Variants in TBC1D17 observed in about 807,000 individuals in gnomAD.
TBC1D17 encodes the protein TBC1 domain family, member 17.
Under a neutral mutation model 78.8 loss-of-function variants are expected in TBC1D17, and 69 were observed. That is an observed-to-expected ratio of 0.88 (90% confidence interval 0.72 to 1.07). The LOEUF (loss-of-function observed/expected upper bound fraction) is 1.07, where lower values mean the gene tolerates loss of function less well. Among genes scored for constraint, TBC1D17 ranks in the 50% least tolerant of loss-of-function variants. TBC1D17 has a pLI of 0.00. For synonymous variants in TBC1D17, 456 were observed against 358.3 expected (o/e 1.27, Z -3.08); for missense variants, 957 against 861.0 (o/e 1.11, Z -1.39).
Position 49,881,446 on chromosome 19 carries a change from C to T in TBC1D17, c.498C>T (p.Arg166=), listed in dbSNP as rs373735281. 9.9e-6 allele frequency: 16 copies of T among 1,610,576 alleles called. No individual in the cohort carries two copies. In the East Asian group the frequency reaches 1.1e-4, roughly 11 times the overall value. Residue 166 remains arginine, a synonymous_variant, in exon 5 of 17, where the codon CGC becomes CGT. Transcript: ENST00000221543. ...FHRGGTRALL[R]VLSRYLLLAS... ...GCGGGGGCACCCGCGCCCTGCTCCG[C>T]GTCCTCAGCCGCTACCTGCTGTTGG...
chr19:49,878,298 G>C (rs943318246), intron 2 of TBC1D17, 57 bp downstream of exon 2: 1 of 1,486,822 alleles, frequency 6.7e-7, no homozygotes, highest in Non-Finnish European at 9.2e-7. Flanking sequence ...AGGCGGTCTG[G>C]GATGCAGGCG....
In TBC1D17 at chr19:49,882,777, C is replaced by T. The variant is rs2075026774; in HGVS notation, c.812C>T (p.Pro271Leu). 6.3e-7 allele frequency: 1 copy of T among 1,579,328 alleles called. No individual in the cohort carries two copies. The highest frequency in any genetic ancestry group is 1.9e-5 in the Admixed American group (1 of 53,562). ...CTTTGCCTGCAGGTGGAGCTGGGGC[C>T]TCGGCCAACCGTGGAGCGGGGCCCT... ...FEVISCVELGPRPTVERGPPV... is the reference protein window; with the variant it reads ...FEVISCVELGLRPTVERGPPV... Residue 271 changes from proline (P) to leucine (L), a missense_variant, in exon 8 of 17, where the codon CCT becomes CTT. Physicochemically the swap from Pro to Leu is moderately conservative, Grantham distance 98. Transcript: ENST00000221543.
At position 49,882,378 on chromosome 19, in the gene TBC1D17, C is replaced by T; in HGVS notation, c.776C>T (p.Pro259Leu). Residue 259 changes from proline to leucine, a missense_variant, in exon 7 of 17, where the codon CCT (proline) becomes CTT (leucine). Physicochemically the swap from Pro to Leu is moderately conservative, Grantham distance 98. Coordinates refer to ENST00000221543, the MANE Select transcript of TBC1D17 (RefSeq NM_024682.3). ...LPPPPDDEPE[P>L]GFEVISCVEL... ...CCGCCACCCGACGATGAGCCCGAGC[C>T]TGGATTCGAGGTCATTTCCTGTGTG... 6.2e-7 allele frequency: 1 copy of T among 1,607,704 alleles called. No homozygotes were observed. The highest frequency in any genetic ancestry group is 2.2e-5 in the East Asian group (1 of 44,882).
intron 13 of TBC1D17, 103 bp from the exon 14 acceptor site, chr19:49,887,373 G>T: frequency 8.0e-7 from 1 of 1,242,794 alleles, no homozygotes. Flanking sequence ...CCAGGCATAA[G>T]TCACTTGCCT....
Position 49,887,810 on chromosome 19 carries a change from C to T in TBC1D17, c.1635C>T (p.Gly545=), listed in dbSNP as rs928044739. Residue 545 remains glycine, a synonymous_variant, in exon 15 of 17, where the codon GGC becomes GGT. Coordinates refer to ENST00000221543, the MANE Select transcript of TBC1D17 (RefSeq NM_024682.3). ...AGAGGGACACCCTCATGCTGTCCGGCTTCGGCTCCAATGAGATCCTCAAGG... is the reference window on the plus strand; with the variant it reads ...AGAGGGACACCCTCATGCTGTCCGGTTTCGGCTCCAATGAGATCCTCAAGG... ...DMERDTLMLS[G]FGSNEILKHI... The T allele has an allele frequency of 1.2e-6, 2 of 1,610,854 alleles. No individual in the cohort carries two copies. The highest frequency in any genetic ancestry group is 2.7e-5 in the African/African-American group (2 of 74,926).
chr19:49,877,835 A>C, intron 1 of TBC1D17, 91 bp downstream of exon 1: 1 of 1,446,318 alleles, frequency 6.9e-7, no homozygotes, highest in Non-Finnish European at 9.4e-7. Context: ...GCTCTCGAGA[A>C]TCCGGCACGG....
At chr19:49,878,729 T>G (rs551165027) in intron 3 of TBC1D17, 157 bp downstream of exon 3, 1 of 660,268 alleles carries the variant, frequency 1.5e-6, no homozygotes, top group East Asian at 2.8e-5. Flanking sequence ...TTTGCTCCTC[T>G]CTGTGAAATG....
At chr19:49,877,812 C>T (rs1248721623) in intron 1 of TBC1D17, 68 bp downstream of exon 1, 3 of 1,521,922 alleles carry the variant, frequency 2.0e-6, no homozygotes, top group Non-Finnish European at 2.7e-6. Context: ...ATCAGCTCTT[C>T]TCTCAGGCCT....
At position 49,888,229 on chromosome 19, in the gene TBC1D17, A is replaced by G. The variant is rs1310045033; in HGVS notation, c.1660-2A>G. 6.3e-7 allele frequency: 1 copy of G among 1,578,798 alleles called. No individual in the cohort carries two copies. The highest frequency in any genetic ancestry group is 1.8e-5 in the Admixed American group (1 of 55,418). ...TGGCGCCTGACCCACCCCCTCCCGC[A>G]GCACATCAACGAGCTGACTATGAAG... is the stretch of plus-strand genomic sequence containing the variant. On this transcript the variant is annotated splice_acceptor_variant, in intron 15 of 16. Transcript: ENST00000221543. LOFTEE classifies it high-confidence loss of function.
chr19:49,888,486 C>A lies in TBC1D17; in HGVS notation c.1809C>A (p.Pro603=). Residue 603 remains proline, a synonymous_variant, in exon 17 of 17, where the codon CCC becomes CCA. Transcript: ENST00000221543. ...GLAPPAEPHS[P]SPTASPLPLS... Reference sequence around the variant, plus strand: ...CCCCGCCCGCAGAGCCCCACAGCCCCTCGCCCACCGCCTCCCCGCTGCCTC... The same window carrying A: ...CCCCGCCCGCAGAGCCCCACAGCCCATCGCCCACCGCCTCCCCGCTGCCTC... The A allele has an allele frequency of 6.3e-7, 1 of 1,585,846 alleles. No individual in the cohort carries two copies. The highest frequency in any genetic ancestry group is 8.5e-7 in the Non-Finnish European group (1 of 1,171,108).
chr19:49,888,351 G>A (rs1411775170), intron 16 of TBC1D17, 34 bp downstream of exon 16: 14 of 312,094 alleles, frequency 4.5e-5, no homozygotes, highest in African/African-American at 3.3e-4. Context: ...CGCCCCGCCC[G>A]AACCCCGACC....
At position 49,887,829 on chromosome 19, in the gene TBC1D17, C is replaced by T. The variant is rs746925907; in HGVS notation, c.1654C>T (p.Leu552Phe). ...MLSGFGSNEILKHINELTMKL... is the reference protein window; with the variant it reads ...MLSGFGSNEIFKHINELTMKL... ...GTCCGGCTTCGGCTCCAATGAGATC[C>T]TCAAGGTGAGGCTCCGGCCCCGCCC... Residue 552 changes from leucine (L) to phenylalanine (F), a missense_variant, in exon 15 of 17, where the codon CTC (leucine) becomes TTC (phenylalanine). Leu to Phe is a conservative substitution (Grantham distance 22, BLOSUM62 0). Coordinates refer to ENST00000221543, the MANE Select transcript of TBC1D17 (RefSeq NM_024682.3). The T allele has an allele frequency of 6.2e-7, 1 of 1,608,788 alleles. No individual in the cohort carries two copies. Among genetic ancestry groups the T allele is most frequent in the Non-Finnish European group, 8.5e-7 (1 of 1,178,266 alleles).
chr19:49,884,391 G>C (rs767896700), intron 11 of TBC1D17, 22 bp downstream of exon 11: 1 of 1,612,718 alleles, frequency 6.2e-7, no homozygotes, highest in South Asian at 1.1e-5. Context: ...GCCTGGGGAC[G>C]GGCGTGGCCG....
Position 49,882,275 on chromosome 19 carries a change from A to G in TBC1D17, c.673A>G (p.Ser225Gly). 1 of 1,612,338 alleles carries G rather than the reference A, an allele frequency of 6.2e-7. No individual in the cohort carries two copies. Among genetic ancestry groups the G allele is most frequent in the Non-Finnish European group, 8.5e-7 (1 of 1,179,982 alleles). The change falls in exon 7 of 17, where the codon AGC becomes GGC. Residue 225 changes from serine to glycine, a missense_variant. Transcript: ENST00000221543. The part of the protein sequence containing the change: ...FLQDPYSTTF[S>G]SFSRVTNFFR... Reference sequence around the variant, plus strand: ...CCAGGATCCCTACTCCACCACCTTCAGCAGCTTCTCCCGAGTGACCAACTT... The same window carrying G: ...CCAGGATCCCTACTCCACCACCTTCGGCAGCTTCTCCCGAGTGACCAACTT...
intron 3 of TBC1D17, chr19:49,878,826 C>T: frequency 6.1e-6 from 3 of 487,966 alleles, no homozygotes; most frequent in Non-Finnish European, 7.4e-6. Flanking sequence ...CCCTTTGCTT[C>T]TTGGGAGATC....
At chr19:49,881,971 C>T (rs1278062283) in intron 5 of TBC1D17, 70 bp from the exon 6 acceptor site, 22 of 1,369,396 alleles carry the variant, frequency 1.6e-5, no homozygotes, top group Non-Finnish European at 2.0e-5. Context: ...CGATGTCGGC[C>T]GAGCACAGAC....
intron 10 of TBC1D17, 101 bp from the exon 11 acceptor site, chr19:49,884,152 G>T: frequency 9.4e-7 from 1 of 1,068,546 alleles, no homozygotes; most frequent in Admixed American, 1.8e-5. Flanking sequence ...CCGAGGCTGG[G>T]GGCTGCCAGC....
At chr19:49,888,349 C>T (rs1441267818) in intron 16 of TBC1D17, 32 bp downstream of exon 16, 2 of 1,526,484 alleles carry the variant, frequency 1.3e-6, no homozygotes, top group Non-Finnish European at 8.9e-7. Flanking sequence ...AGCGCCCCGC[C>T]CGAACCCCGA....
At chr19:49,879,002 C>T in intron 3 of TBC1D17, 1 of 177,426 alleles carries the variant, frequency 5.6e-6, no homozygotes, top group Non-Finnish European at 1.2e-5. Flanking sequence ...CCGTCCTGGG[C>T]AATTCTGAGA....
Sources: gnomAD v4.1 joint callset for allele counts on GRCh38, gnomAD v4.1.1 for gene constraint, MANE v1.5 for transcripts, NCBI Gene and HGNC (gene_info 2026-07-23, HGNC 2026-07-21) for gene names.